Variants in EPB41L2 observed in about 807,000 individuals in gnomAD.
EPB41L2 encodes band 4.1-like protein 2.
In EPB41L2, 43 loss-of-function variants were observed where a neutral mutation model predicts 113.0. The ratio of observed to expected loss-of-function variants is 0.38; its 90% CI spans 0.30 to 0.49. The LOEUF is 0.49. Ranked by LOEUF, EPB41L2 falls within the 20% of genes least tolerant of loss-of-function variation. The pLI, the probability that EPB41L2 is intolerant of heterozygous loss-of-function variation, is 0.95. For synonymous variants in EPB41L2, 442 were observed against 436.7 expected (o/e 1.01, Z -0.15); for missense variants, 1,147 against 1,223.4 (o/e 0.94, Z 0.93).
At chr6:130,984,646 G>A (rs563967406) in intron 1 of EPB41L2, among the ~76,000 whole-genome samples, 1 of 152,218 alleles carries the variant, frequency 6.6e-6, no homozygotes, top group Admixed American at 6.5e-5. Context: ...CTATAAACTC[G>A]AGGTAACTGT....
At chr6:131,050,563 C>A (rs2128196177) in intron 1 of EPB41L2, among the ~76,000 whole-genome samples, 1 of 152,308 alleles carries the variant, frequency 6.6e-6, no homozygotes, top group South Asian at 2.1e-4. Context: ...TGACTCACTA[C>A]AATATTCAGA....
chr6:130,988,866 A>C (rs1296207146), intron 1 of EPB41L2, among the ~76,000 whole-genome samples: 4 of 152,210 alleles, frequency 2.6e-5, no homozygotes, highest in Admixed American at 6.5e-5. Flanking sequence ...AGGCAGGCGG[A>C]TCACCTGAGG....
At chr6:130,903,250 G>GC (rs1446744850) in intron 6 of EPB41L2, among the ~76,000 whole-genome samples, 1 of 151,858 alleles carries the variant, frequency 6.6e-6, no homozygotes, top group African/African-American at 2.4e-5. Flanking sequence ...CTGCAGTGAA[G>GC]CTCTGCATCC....
chr6:130,975,929 G>A (rs368351782), intron 1 of EPB41L2, among the ~76,000 whole-genome samples: 12 of 152,330 alleles, frequency 7.9e-5, no homozygotes, highest in African/African-American at 2.6e-4. Context: ...TCGGGAGGCT[G>A]AGGCAGGAGA....
chr6:130,931,396 C>CA (rs994001883), intron 3 of EPB41L2, among the ~76,000 whole-genome samples: 26 of 151,828 alleles, frequency 1.7e-4, no homozygotes, highest in African/African-American at 4.3e-4. Context: ...AAAATTGTAA[C>CA]AAAAAAACAC....
intron 11 of EPB41L2, among the ~76,000 whole-genome samples, chr6:130,887,440 G>A (rs180711596): frequency 1.8e-4 from 27 of 152,148 alleles, no homozygotes; most frequent in South Asian, 1.2e-3. Context: ...GTGCTCTTGC[G>A]GGCACATAAA....
intron 3 of EPB41L2, among the ~76,000 whole-genome samples, chr6:130,945,052 T>A (rs1812333581): frequency 6.6e-6 from 1 of 152,194 alleles, no homozygotes; most frequent in South Asian, 2.1e-4. Context: ...CACTGGAATT[T>A]TAAATTGCAC....
intron 1 of EPB41L2, among the ~76,000 whole-genome samples, chr6:130,987,848 C>T (rs570138428): frequency 6.6e-6 from 1 of 151,138 alleles, no homozygotes; most frequent in South Asian, 2.1e-4. Context: ...TGCAGTGGCT[C>T]ACACCTATAA....
intron 12 of EPB41L2, 141 bp downstream of exon 12, chr6:130,884,955 G>T: frequency 1.1e-6 from 1 of 892,776 alleles, no homozygotes. Flanking sequence ...AGACCACTAT[G>T]CATATTTGAA....
chr6:130,943,154 T>A (rs747285289), intron 3 of EPB41L2, among the ~76,000 whole-genome samples: 1 of 152,202 alleles, frequency 6.6e-6, no homozygotes, highest in Non-Finnish European at 1.5e-5. Context: ...TGGTTCTAGA[T>A]CCTTAAGGAT....
chr6:130,893,900 T>C (rs1185761711), intron 10 of EPB41L2, among the ~76,000 whole-genome samples: 1 of 151,840 alleles, frequency 6.6e-6, no homozygotes, highest in Non-Finnish European at 1.5e-5. Flanking sequence ...AGAGGAGGGA[T>C]AGTGGAAAGA....
At chr6:130,948,978 C>A (rs955461176) in intron 3 of EPB41L2, among the ~76,000 whole-genome samples, 3 of 152,132 alleles carry the variant, frequency 2.0e-5, no homozygotes, top group Non-Finnish European at 4.4e-5. Flanking sequence ...ATAAACTAAG[C>A]AGTTAAACAA....
intron 1 of EPB41L2, among the ~76,000 whole-genome samples, chr6:130,994,614 G>A (rs1182483269): frequency 6.6e-6 from 1 of 152,154 alleles, no homozygotes; most frequent in Non-Finnish European, 1.5e-5. Flanking sequence ...TATAAAAGCT[G>A]AAGTATGACA....
At chr6:130,890,613 ATTAT>A in intron 10 of EPB41L2, 147 bp from the exon 11 acceptor site, 1 of 947,194 alleles carries the variant, frequency 1.1e-6, no homozygotes, top group East Asian at 2.6e-5. Flanking sequence ...TCTAAAGAAC[ATTAT>A]TTATAAACCC....
intron 1 of EPB41L2, among the ~76,000 whole-genome samples, chr6:130,970,811 C>T (rs945883277): frequency 2.6e-5 from 4 of 152,166 alleles, no homozygotes; most frequent in Non-Finnish European, 2.9e-5. Flanking sequence ...CAGTACCAAA[C>T]CCAACTCATC....
intron 18 of EPB41L2, among the ~76,000 whole-genome samples, chr6:130,862,953 C>T (rs903785134): frequency 6.6e-6 from 1 of 152,154 alleles, no homozygotes. Context: ...TCCTTTAAAG[C>T]TGAGTTAAAA....
intron 3 of EPB41L2, among the ~76,000 whole-genome samples, chr6:130,942,121 A>G (rs1811091419): frequency 6.6e-6 from 1 of 152,204 alleles, no homozygotes; most frequent in African/African-American, 2.4e-5. Flanking sequence ...CTGGCATATT[A>G]TGTTATAGTG....
chr6:130,956,043 G>A lies in EPB41L2; in HGVS notation c.443C>T (p.Pro148Leu), dbSNP rs746490544. The stretch of plus-strand genomic sequence containing the variant: ...GGGTTTTTCTTCCTTGCTCACTGAG[G>A]GTTTTTCTTCCTTGACTTCAACTTT... ...EIKVEVKEEK[P>L]SVSKEEKPSV... The change falls in exon 2 of 20, where the codon CCC becomes CTC. Residue 148 changes from proline (P) to leucine (L), a missense_variant. Pro to Leu is a moderately conservative substitution (Grantham distance 98). Transcript: ENST00000337057. 1.2e-6 allele frequency: 2 copies of A among 1,613,738 alleles called. No homozygotes were observed. Among genetic ancestry groups the A allele is most frequent in the Non-Finnish European group, 1.7e-6 (2 of 1,179,928 alleles).
intron 4 of EPB41L2, among the ~76,000 whole-genome samples, chr6:130,918,241 G>A (rs1801735084): frequency 6.6e-6 from 1 of 152,116 alleles, no homozygotes; most frequent in African/African-American, 2.4e-5. Context: ...GAACAAAATG[G>A]TCTATTAGAT....
Sources: allele counts gnomAD v4.1 joint callset (sites outside exome capture counted in the v4.1 genomes callset), GRCh38; gene constraint gnomAD v4.1.1; transcripts MANE v1.5; gene names NCBI Gene and HGNC (gene_info 2026-07-23, HGNC 2026-07-21).